Variants in LRFN5 observed in about 807,000 individuals in gnomAD.
LRFN5 encodes leucine-rich repeat and fibronectin type-III domain-containing protein 5.
In LRFN5, 24 loss-of-function variants were observed where a neutral mutation model predicts 45.6. That is an observed-to-expected ratio of 0.53 (90% CI 0.38 to 0.74). The LOEUF is 0.74. Ranked by LOEUF, LRFN5 falls within the 30% of genes least tolerant of loss-of-function variation. The pLI, the probability that LRFN5 is intolerant of heterozygous loss-of-function variation, is 0.00. For missense variants in LRFN5, 776 were observed against 861.5 expected (o/e 0.90, Z 1.24); for synonymous variants, 340 against 313.8 (o/e 1.08, Z -0.88).
At chr14:41,744,868 C>T (rs1024078196) in intron 1 of LRFN5, among the ~76,000 whole-genome samples, 2 of 151,900 alleles carry the variant, frequency 1.3e-5, no homozygotes, top group Non-Finnish European at 2.9e-5. Flanking sequence ...AACATTTACA[C>T]GTAGTAATTG....
chr14:41,873,381 GAAGAGAGAGA>G (rs1392133309), intron 2 of LRFN5, among the ~76,000 whole-genome samples: 1 of 149,892 alleles, frequency 6.7e-6, no homozygotes, highest in East Asian at 2.0e-4. Context: ...TCCTAAGACA[GAAGAGAGAGA>G]AAGAGAGAGG....
At chr14:41,801,368 A>C (rs1237939789) in intron 2 of LRFN5, among the ~76,000 whole-genome samples, 1 of 152,164 alleles carries the variant, frequency 6.6e-6, no homozygotes, top group African/African-American at 2.4e-5. Flanking sequence ...CATATTTTAA[A>C]ATATTATTCT....
At chr14:41,844,186 C>T (rs1032685449) in intron 2 of LRFN5, among the ~76,000 whole-genome samples, 10 of 152,118 alleles carry the variant, frequency 6.6e-5, no homozygotes, top group African/African-American at 2.2e-4. Context: ...GCCTGTAATC[C>T]TAACACTTTG....
At chr14:41,894,359 A>T (rs1362015066) in intron 4 of LRFN5, 3 of 859,938 alleles carry the variant, frequency 3.5e-6, no homozygotes, top group Non-Finnish European at 4.2e-6. Flanking sequence ...ATATTTAATC[A>T]TATGAGATTT....
At chr14:41,741,822 A>AAC (rs1399105169) in intron 1 of LRFN5, among the ~76,000 whole-genome samples, 6 of 151,666 alleles carry the variant, frequency 4.0e-5, no homozygotes, top group Non-Finnish European at 5.9e-5. Flanking sequence ...AATAAAAAAA[A>AAC]AAAACCAAAA....
chr14:41,823,064 T>C (rs961207335), intron 2 of LRFN5, among the ~76,000 whole-genome samples: 2 of 151,822 alleles, frequency 1.3e-5, no homozygotes, highest in Non-Finnish European at 1.5e-5. Flanking sequence ...AAGCAGCATA[T>C]GGTTGAATCT....
At chr14:41,618,651 CA>C (rs1314460438) in intron 1 of LRFN5, among the ~76,000 whole-genome samples, 3 of 152,056 alleles carry the variant, frequency 2.0e-5, no homozygotes, top group African/African-American at 7.2e-5. Context: ...AAATCATAAA[CA>C]AATAAAATGG....
intron 1 of LRFN5, among the ~76,000 whole-genome samples, chr14:41,705,832 A>G (rs957281865): frequency 3.5e-5 from 5 of 144,108 alleles, no homozygotes; most frequent in African/African-American, 1.2e-4. Flanking sequence ...CGTGTTTCAT[A>G]TCCCTCAAAC....
chr14:41,666,319 A>G (rs1300093223), intron 1 of LRFN5, among the ~76,000 whole-genome samples: 1 of 151,974 alleles, frequency 6.6e-6, no homozygotes, highest in Non-Finnish European at 1.5e-5. Context: ...AAATCTCAAA[A>G]AATTCTAGCC....
intron 2 of LRFN5, among the ~76,000 whole-genome samples, chr14:41,779,424 C>T (rs574473498): frequency 6.6e-6 from 1 of 151,904 alleles, no homozygotes; most frequent in Admixed American, 6.6e-5. Flanking sequence ...AGCAGTTGGT[C>T]TATAGATTTC....
chr14:41,899,958 G>A (rs1197169598), intron 5 of LRFN5, among the ~76,000 whole-genome samples: 1 of 152,096 alleles, frequency 6.6e-6, no homozygotes, highest in Admixed American at 6.6e-5. Flanking sequence ...GAATTGACCT[G>A]CATGAAGGTG....
At chr14:41,832,651 G>A (rs1293441022) in intron 2 of LRFN5, among the ~76,000 whole-genome samples, 1 of 151,984 alleles carries the variant, frequency 6.6e-6, no homozygotes, top group East Asian at 1.9e-4. Flanking sequence ...CCTTATATTC[G>A]CTATGGGTTC....
chr14:41,885,133 A>G (rs941414805), intron 2 of LRFN5, among the ~76,000 whole-genome samples: 3 of 144,714 alleles, frequency 2.1e-5, no homozygotes, highest in African/African-American at 7.8e-5. Flanking sequence ...TGCTGAGTCC[A>G]GGAGTTTGAG....
intron 1 of LRFN5, among the ~76,000 whole-genome samples, chr14:41,677,448 TATTATA>T (rs1380641225): frequency 1.1e-4 from 17 of 152,162 alleles, no homozygotes; most frequent in Non-Finnish European, 1.5e-4. Flanking sequence ...TCAAAGAAAC[TATTATA>T]ATTATATTTA....
At chr14:41,835,924 C>CT (rs375581659) in intron 2 of LRFN5, among the ~76,000 whole-genome samples, 2,144 of 138,738 alleles carry the variant, frequency 0.015, 56 homozygotes, top group African/African-American at 0.052. Flanking sequence ...TTTTCTTTTT[C>CT]TTTTTTTTTA....
chr14:41,828,361 T>C (rs1245627166), intron 2 of LRFN5, among the ~76,000 whole-genome samples: 1 of 151,992 alleles, frequency 6.6e-6, no homozygotes, highest in African/African-American at 2.4e-5. Context: ...GGCATCAGAT[T>C]AGCTAGAGAG....
intron 2 of LRFN5, among the ~76,000 whole-genome samples, chr14:41,878,549 G>C (rs1957872): frequency 0.64 from 96,839 of 151,898 alleles, 31,210 homozygotes; most frequent in Middle Eastern, 0.78. Flanking sequence ...TCATTTTTCA[G>C]TTTGTGTGTA....
intron 1 of LRFN5, among the ~76,000 whole-genome samples, chr14:41,670,304 T>TAC (rs775595662): frequency 0.011 from 213 of 18,722 alleles, no homozygotes; most frequent in African/African-American, 0.013. Flanking sequence ...TATATATATA[T>TAC]ACACACACAC....
chr14:41,614,667 A>AC (rs1887872923), intron 1 of LRFN5, among the ~76,000 whole-genome samples: 1 of 151,712 alleles, frequency 6.6e-6, no homozygotes, highest in African/African-American at 2.4e-5. Context: ...ATGGAATTCT[A>AC]CCCCCCTTGG....
Sources: gnomAD v4.1 joint callset for allele counts (sites outside exome capture counted in the v4.1 genomes callset) on GRCh38, gnomAD v4.1.1 for gene constraint, MANE v1.5 for transcripts, NCBI Gene and HGNC (gene_info 2026-07-23, HGNC 2026-07-21) for gene names.